The following MYL3 variants were observed in gnomAD, a reference collection of about 807,000 sequenced individuals.
MYL3 encodes the protein CMLC1.
MYL3 carries 11 observed loss-of-function variants against 21.3 expected under a neutral mutation model. The observed-to-expected ratio is 0.52, with a 90% confidence interval of 0.32 to 0.85. The LOEUF is 0.85. Ranked by LOEUF, MYL3 falls within the 40% of genes least tolerant of loss-of-function variation. The pLI, the probability that MYL3 is intolerant of heterozygous loss-of-function variation, is 0.03. For missense variants in MYL3, 206 were observed against 253.3 expected (o/e 0.81, Z 1.27); for synonymous variants, 88 against 91.6 (o/e 0.96, Z 0.22).
In MYL3 at chr3:46,861,687, G is replaced by A. The variant is rs1393838991; in HGVS notation, c.130-700C>T. Among the ~76,000 whole-genome samples the A allele has an allele frequency of 6.6e-6, 1 of 152,038 alleles. No individual in the cohort carries two copies. Among genetic ancestry groups the A allele is most frequent in the Non-Finnish European group, 1.5e-5 (1 of 68,006 alleles). ...TGAGTGTTTGCTGAAGTCACATTGG[G>A]GCCACCTTGATTGACGTCAATCAAG... On this transcript the variant is annotated intron_variant, in intron 1 of 6. Transcript: ENST00000292327. The surrounding 1 kb of genome is among the most constrained non-coding windows in gnomAD (Gnocchi z 4.2).
rs201910884 is a variant in MYL3 at position 46,863,417 on chromosome 3, G to A, written c.-27C>T. ...GGGGGCTGTAAGTACAGAGAGGGAT[G>A]TGGAGAGAAGAATGCAGAAAGCAGG... On this transcript the variant is annotated 5_prime_UTR_variant, in exon 1 of 7. Transcript: ENST00000292327. 1.7e-4 allele frequency: 270 copies of A among 1,612,124 alleles called. 2 individuals carry two copies. In the African/African-American group the frequency reaches 2.7e-3, roughly 16 times the overall value.
At chr3:46,873,187 G>A (rs2030005239) in intron 1 of MYL3, among the ~76,000 whole-genome samples, 1 of 152,222 alleles carries the variant, frequency 6.6e-6, no homozygotes, top group African/African-American at 2.4e-5. Flanking sequence ...CAGAGAGGAG[G>A]GGGCCTTTGG....
rs1701980595 is a variant in MYL3, at chr3:46,860,623, C to T, written c.307+53G>A. ...CCCGCAGGATGGATGGCAGCCCACCCAGCCAGTCTCCCCGGTACTAACACT... is the reference window on the plus strand; with the variant it reads ...CCCGCAGGATGGATGGCAGCCCACCTAGCCAGTCTCCCCGGTACTAACACT... On this transcript the variant is annotated intron_variant, in intron 3 of 6. Coordinates refer to ENST00000292327, the MANE Select transcript of MYL3 (RefSeq NM_000258.3). This position sits in a 1 kb window ranked among gnomAD's most constrained non-coding sequence, Gnocchi z 4.6. 5.6e-6 allele frequency: 9 copies of T among 1,605,458 alleles called. No homozygotes were observed. Among genetic ancestry groups the T allele is most frequent in the Non-Finnish European group, 6.8e-6 (8 of 1,179,262 alleles).
rs755516554 is a variant in MYL3, at chr3:46,860,781, C to T, written c.202G>A (p.Glu68Lys). Reference sequence around the variant, plus strand: ...CACTGCCCGTAGGTGATCTTCATCTCACACTTGGGTGTGCGGTCGAACAGC... The same window carrying T: ...CACTGCCCGTAGGTGATCTTCATCTTACACTTGGGTGTGCGGTCGAACAGC... ...FMLFDRTPKC[E>K]MKITYGQCGD... The change falls in exon 3 of 7, where the codon GAG (glutamate) becomes AAG (lysine). Residue 68 changes from glutamate to lysine, a missense_variant. Physicochemically the swap from Glu to Lys is moderately conservative, Grantham distance 56. Transcript: ENST00000292327. This position sits in a 1 kb window ranked among gnomAD's most constrained non-coding sequence, Gnocchi z 4.6. 1.9e-6 allele frequency: 3 copies of T among 1,614,168 alleles called. No individual in the cohort carries two copies. The highest frequency in any genetic ancestry group is 2.5e-6 in the Non-Finnish European group (3 of 1,180,032).
chr3:46,877,559 C>A (rs1355367053), intron 1 of MYL3, among the ~76,000 whole-genome samples: 1 of 152,218 alleles, frequency 6.6e-6, no homozygotes, highest in Admixed American at 6.5e-5. Flanking sequence ...AGGGCCCAGC[C>A]CTGGGCATCT....
intron 1 of MYL3, chr3:46,880,963 C>A (rs1328128564): frequency 1.3e-5 from 2 of 152,176 alleles, no homozygotes; most frequent in Non-Finnish European, 2.9e-5. Context: ...GTCTTGAGAG[C>A]CCCTGGAGCC....
Position 46,859,460 on chromosome 3 carries a change from G to A in MYL3, c.481+15C>T, listed in dbSNP as rs1701966300. On this transcript the variant is annotated intron_variant, in intron 4 of 6. Coordinates refer to ENST00000292327, the MANE Select transcript of MYL3 (RefSeq NM_000258.3). This position sits in a 1 kb window ranked among gnomAD's most constrained non-coding sequence, Gnocchi z 4.1. ...CCCTGGAAGGAGTTGGGGTAGGGGA[G>A]GAGGCTGCCCTCACCCAGCGTGGCC... 4 of 1,613,976 alleles carry A rather than the reference G, an allele frequency of 2.5e-6. No individual in the cohort carries two copies.
upstream of MYL3, among the ~76,000 whole-genome samples, chr3:46,863,850 G>A (rs1261131430): frequency 6.6e-6 from 1 of 152,140 alleles, no homozygotes; most frequent in Non-Finnish European, 1.5e-5. Context: ...TGATCTAAGG[G>A]CACCTCTGAA....
chr3:46,858,496 G>T, intron 4 of MYL3, 35 bp from the exon 5 acceptor site: 1 of 1,603,628 alleles, frequency 6.2e-7, no homozygotes, highest in African/African-American at 1.3e-5. Context: ...AGCACCGTGC[G>T]TGCAGAGGCA....
In MYL3 at chr3:46,860,768, G is replaced by T; in HGVS notation, c.215C>A (p.Thr72Asn). The change falls in exon 3 of 7, where the codon ACC becomes AAC. Residue 72 changes from threonine (T) to asparagine (N), a missense_variant. Coordinates refer to ENST00000292327, the MANE Select transcript of MYL3 (RefSeq NM_000258.3). This position sits in a 1 kb window ranked among gnomAD's most constrained non-coding sequence, Gnocchi z 4.6. ...CAGGACATCCCCACACTGCCCGTAG[G>T]TGATCTTCATCTCACACTTGGGTGT... ...DRTPKCEMKI[T>N]YGQCGDVLRA... The T allele has an allele frequency of 6.2e-7, 1 of 1,614,144 alleles. No individual in the cohort carries two copies. Among genetic ancestry groups the T allele is most frequent in the Non-Finnish European group, 8.5e-7 (1 of 1,180,022 alleles).
At chr3:46,869,243 A>G (rs1449577170) in intron 1 of MYL3, among the ~76,000 whole-genome samples, 4 of 151,590 alleles carry the variant, frequency 2.6e-5, no homozygotes, top group Non-Finnish European at 4.4e-5. Context: ...TCCTTGGAAG[A>G]AAAAAAAAGA....
Position 46,859,299 on chromosome 3 carries a change from C to A in MYL3, c.481+176G>T, listed in dbSNP as rs1398500696. 3.3e-5 allele frequency among the ~76,000 whole-genome samples: 5 copies of A among 152,208 alleles called. No homozygotes were observed. Among genetic ancestry groups the A allele is most frequent in the African/African-American group, 1.2e-4 (5 of 41,446 alleles). On this transcript the variant is annotated intron_variant, in intron 4 of 6. Transcript: ENST00000292327. The surrounding 1 kb of genome is among the most constrained non-coding windows in gnomAD (Gnocchi z 4.1). The stretch of plus-strand genomic sequence containing the variant: ...GTCATCCCCCTTCTGTGAGCTGCAC[C>A]AGCATGCTTGCTTTACTCTCCTCCT...
At chr3:46,870,646 G>C (rs770517653) in intron 1 of MYL3, among the ~76,000 whole-genome samples, 14 of 152,186 alleles carry the variant, frequency 9.2e-5, no homozygotes, top group Non-Finnish European at 1.8e-4. Context: ...GTACCTGCCT[G>C]TGTGAGTATT....
intron 1 of MYL3, among the ~76,000 whole-genome samples, chr3:46,873,460 C>G (rs1054976088): frequency 6.6e-6 from 1 of 152,228 alleles, no homozygotes; most frequent in Non-Finnish European, 1.5e-5. Context: ...TCTTCTTCCT[C>G]CTCCTCTGTT....
At position 46,861,168 on chromosome 3, in the gene MYL3, C is replaced by G. The variant is rs865996813; in HGVS notation, c.130-181G>C. ...TGACGCCCTCCTGCCTCCTTGCCCCCCTCCACCTCTCCAGCCAGAAGGCCT... is the reference window on the plus strand; with the variant it reads ...TGACGCCCTCCTGCCTCCTTGCCCCGCTCCACCTCTCCAGCCAGAAGGCCT... On this transcript the variant is annotated intron_variant, in intron 1 of 6. Coordinates refer to ENST00000292327, the MANE Select transcript of MYL3 (RefSeq NM_000258.3). The surrounding 1 kb of genome is among the most constrained non-coding windows in gnomAD (Gnocchi z 4.2). 6.6e-6 allele frequency among the ~76,000 whole-genome samples: 1 copy of G among 152,198 alleles called. No individual in the cohort carries two copies. Among genetic ancestry groups the G allele is most frequent in the Non-Finnish European group, 1.5e-5 (1 of 68,036 alleles).
chr3:46,870,648 G>GT (rs2106922714), intron 1 of MYL3, among the ~76,000 whole-genome samples: 1 of 152,280 alleles, frequency 6.6e-6, no homozygotes, highest in South Asian at 2.1e-4. Flanking sequence ...ACCTGCCTGT[G>GT]TGAGTATTTA....
At chr3:46,869,785 T>C (rs1702089369) in intron 1 of MYL3, among the ~76,000 whole-genome samples, 1 of 152,174 alleles carries the variant, frequency 6.6e-6, no homozygotes, top group African/African-American at 2.4e-5. Context: ...ACAACCTCTG[T>C]TGAATGGCCA....
At chr3:46,881,683 C>T (rs948939072) in intron 1 of MYL3, among the ~76,000 whole-genome samples, 1 of 151,844 alleles carries the variant, frequency 6.6e-6, no homozygotes, top group Non-Finnish European at 1.5e-5. Flanking sequence ...GAACGACAGG[C>T]CTGGGATGGG....
chr3:46,868,708 T>C (rs923716922), intron 1 of MYL3, among the ~76,000 whole-genome samples: 8 of 152,216 alleles, frequency 5.3e-5, no homozygotes, highest in African/African-American at 1.9e-4. Context: ...GGGGACAGCA[T>C]TGGCCAGGCT....
Sources: allele counts gnomAD v4.1 joint callset (sites outside exome capture counted in the v4.1 genomes callset), GRCh38; gene constraint gnomAD v4.1.1; non-coding constraint Gnocchi (gnomAD v3.1); transcripts MANE v1.5; gene names NCBI Gene and HGNC (gene_info 2026-07-23, HGNC 2026-07-21).